The following ERBB4 variants were observed in gnomAD, a reference collection of about 807,000 sequenced individuals.
ERBB4 encodes the protein erb-b2 receptor tyrosine kinase 4.
In ERBB4, 42 loss-of-function variants were observed where a neutral mutation model predicts 158.0. The observed-to-expected ratio is 0.27, with a 90% CI of 0.21 to 0.34. The LOEUF (loss-of-function observed/expected upper bound fraction) is 0.34. ERBB4 is among the 10% of genes least tolerant of loss of function. The pLI, the probability that ERBB4 is intolerant of heterozygous loss-of-function variation, is 1.00. For missense variants in ERBB4, 1,333 were observed against 1,624.1 expected (o/e 0.82, Z 3.08); for synonymous variants, 583 against 558.7 (o/e 1.04, Z -0.61).
intron 2 of ERBB4, among the ~76,000 whole-genome samples, chr2:212,003,773 G>T (rs966024189): frequency 3.3e-5 from 5 of 152,070 alleles, no homozygotes; most frequent in Non-Finnish European, 7.4e-5. Context: ...TGATTGATAG[G>T]GCAAAGTGGT....
chr2:211,490,154 C>T (rs79661218), intron 20 of ERBB4, among the ~76,000 whole-genome samples: 2 of 151,974 alleles, frequency 1.3e-5, no homozygotes, highest in Non-Finnish European at 2.9e-5. Flanking sequence ...TAAAATATGC[C>T]CATTCTTGGA....
intron 3 of ERBB4, among the ~76,000 whole-genome samples, chr2:211,789,161 T>G (rs932569331): frequency 6.6e-6 from 1 of 152,142 alleles, no homozygotes; most frequent in African/African-American, 2.4e-5. Context: ...CAGCCCAATA[T>G]GTACCACATT....
chr2:211,755,036 T>C (rs1481065328), intron 4 of ERBB4, among the ~76,000 whole-genome samples: 1 of 152,228 alleles, frequency 6.6e-6, no homozygotes, highest in Non-Finnish European at 1.5e-5. Context: ...GAGAAAATAG[T>C]CCACTTCTTT....
chr2:211,851,461 C>T (rs1397909528), intron 3 of ERBB4, among the ~76,000 whole-genome samples: 2 of 151,864 alleles, frequency 1.3e-5, no homozygotes, highest in Non-Finnish European at 2.9e-5. Context: ...AATGTTGTGG[C>T]CCAATTATCT....
intron 7 of ERBB4, among the ~76,000 whole-genome samples, chr2:211,720,802 C>A (rs2074066944): frequency 6.6e-6 from 1 of 152,218 alleles, no homozygotes; most frequent in African/African-American, 2.4e-5. Flanking sequence ...GTACTCTTCT[C>A]TTCTCTATGA....
At position 211,894,422 on chromosome 2, in the gene ERBB4, GA is replaced by G. The variant is rs2079048823; in HGVS notation, c.421+53007del. Among the ~76,000 whole-genome samples the G allele has an allele frequency of 2.5e-5, 3 of 122,400 alleles. 1 individual carries two copies. Among genetic ancestry groups the G allele is most frequent in the South Asian group, 6.2e-4 (2 of 3,214 alleles). The allele number at this position is 122,400 out of a possible 152,430, so 80.3% of individuals were successfully genotyped here. ...TCTGGGGACTGTGGTGGGGTGGGGGGAGGGGTGAGGGATAGCATTGGGAGAT... is the reference window on the plus strand; with the variant it reads ...TCTGGGGACTGTGGTGGGGTGGGGGGGGGGTGAGGGATAGCATTGGGAGAT... On this transcript the variant is annotated intron_variant, in intron 3 of 27. Coordinates refer to ENST00000342788, the MANE Select transcript of ERBB4 (RefSeq NM_005235.3).
intron 20 of ERBB4, among the ~76,000 whole-genome samples, chr2:211,530,445 T>G (rs556387384): frequency 6.6e-6 from 1 of 152,208 alleles, no homozygotes; most frequent in African/African-American, 2.4e-5. Flanking sequence ...ACAGATTCAA[T>G]GCAATCCTTA....
rs2083831607 is a variant in ERBB4 at position 212,235,455 on chromosome 2, CT to C, written c.83-110553del. ...CAGGATCCTCTTGGCTATCCGGGCT[CT>C]TTTTTCGTTCCATATAAAATTTAAA... On this transcript the variant is annotated intron_variant, in intron 1 of 27. Transcript: ENST00000342788. 2.0e-5 allele frequency among the ~76,000 whole-genome samples: 3 copies of C among 152,196 alleles called. No individual in the cohort carries two copies. The South Asian group carries it at 6.2e-4, about 32-fold the overall frequency.
At position 212,048,067 on chromosome 2, in the gene ERBB4, A is replaced by C. The variant is rs141605031; in HGVS notation, c.234+76685T>G. Among the ~76,000 whole-genome samples, 14 of 152,296 alleles carry C rather than the reference A, an allele frequency of 9.2e-5. No individual in the cohort carries two copies. The East Asian group carries it at 2.7e-3, about 29-fold the overall frequency. On this transcript the variant is annotated intron_variant, in intron 2 of 27. Transcript: ENST00000342788. ...GCTATAAGCTGACAAGAAAAACTGC[A>C]TGTGAAGTCAGGGAAGAAAAAGTTC...
chr2:212,358,366 TA>T (rs200660354), intron 1 of ERBB4, among the ~76,000 whole-genome samples: 31 of 148,042 alleles, frequency 2.1e-4, no homozygotes, highest in Middle Eastern at 3.5e-3. Context: ...GCACTTTTTT[TA>T]AAAAAAAAAC....
chr2:211,911,991 C>T (rs1444734591), intron 3 of ERBB4, among the ~76,000 whole-genome samples: 1 of 151,954 alleles, frequency 6.6e-6, no homozygotes, highest in East Asian at 1.9e-4. Flanking sequence ...GGGAAACACA[C>T]CAGCCACAGA....
At chr2:212,480,823 C>G (rs1689657946) in intron 1 of ERBB4, among the ~76,000 whole-genome samples, 1 of 152,194 alleles carries the variant, frequency 6.6e-6, no homozygotes, top group Admixed American at 6.5e-5. Context: ...TGATTTCACA[C>G]TACTAATCTT....
chr2:212,036,829 C>A (rs2077026208), intron 2 of ERBB4, among the ~76,000 whole-genome samples: 1 of 152,132 alleles, frequency 6.6e-6, no homozygotes, highest in African/African-American at 2.4e-5. Context: ...AAAATACTAA[C>A]AACTACCCTT....
intron 16 of ERBB4, among the ~76,000 whole-genome samples, chr2:211,655,039 CT>C (rs1346172068): frequency 5.9e-5 from 9 of 152,134 alleles, no homozygotes; most frequent in Non-Finnish European, 1.2e-4. Context: ...ACAAGATACA[CT>C]ATGATTTTGA....
chr2:211,805,394 T>A (rs1444929350), intron 3 of ERBB4, among the ~76,000 whole-genome samples: 1 of 152,024 alleles, frequency 6.6e-6, no homozygotes, highest in Admixed American at 6.6e-5. Flanking sequence ...AGGAAATCAG[T>A]GGAGAAAAAT....
At chr2:211,809,743 C>T (rs528878834) in intron 3 of ERBB4, among the ~76,000 whole-genome samples, 1 of 152,014 alleles carries the variant, frequency 6.6e-6, no homozygotes, top group South Asian at 2.1e-4. Context: ...TTTTGAATTT[C>T]TTTGCTCTTG....
intron 20 of ERBB4, among the ~76,000 whole-genome samples, chr2:211,464,917 T>A (rs1199445375): frequency 6.6e-6 from 1 of 151,634 alleles, no homozygotes; most frequent in Non-Finnish European, 1.5e-5. Context: ...AAGCAGAGGC[T>A]TAATGAGAGG....
chr2:211,937,715 A>AAGT (rs1455998476), intron 3 of ERBB4, among the ~76,000 whole-genome samples: 1 of 152,086 alleles, frequency 6.6e-6, no homozygotes, highest in African/African-American at 2.4e-5. Context: ...TGTGAGAACT[A>AAGT]ACTCACTATC....
intron 20 of ERBB4, among the ~76,000 whole-genome samples, chr2:211,443,527 C>T (rs2064036470): frequency 6.6e-6 from 1 of 152,020 alleles, no homozygotes; most frequent in African/African-American, 2.4e-5. Context: ...CTCTCCAGTT[C>T]ACAGATTTAT....
Sources: gnomAD v4.1 joint callset for allele counts (sites outside exome capture counted in the v4.1 genomes callset) on GRCh38, gnomAD v4.1.1 for gene constraint, MANE v1.5 for transcripts, NCBI Gene and HGNC (gene_info 2026-07-23, HGNC 2026-07-21) for gene names.